Variants in GRAMD4 observed in about 807,000 individuals in gnomAD.
GRAMD4 encodes GRAM domain containing 4, also known as GRAM domain-containing protein 4.
GRAMD4 carries 25 observed loss-of-function variants against 83.9 expected under a neutral mutation model. The observed-to-expected ratio is 0.30, with a 90% CI of 0.22 to 0.42. The LOEUF is 0.42. GRAMD4 is among the 10% of genes least tolerant of loss of function. The pLI, the probability that GRAMD4 is intolerant of heterozygous loss-of-function variation, is 1.00. For synonymous variants in GRAMD4, 336 were observed against 320.9 expected, an observed-to-expected ratio of 1.05 and a Z score of -0.50; for missense variants, 593 against 788.7, an observed-to-expected ratio of 0.75 and a Z score of 2.97.
At position 46,620,733 on chromosome 22, in the gene GRAMD4, A is replaced by G. The variant is rs2081561711; in HGVS notation, c.-50+168A>G. ...CAGGCTCCCTCCCAAGGCCGGGTGC[A>G]GGCCAGACCCCACCGGTAAAGCACC... On this transcript the variant is annotated intron_variant, in intron 1 of 18. Transcript: ENST00000406902. The surrounding 1 kb of genome is among the most constrained non-coding windows in gnomAD (Gnocchi z 4.7). 6.6e-6 allele frequency among the ~76,000 whole-genome samples: 1 copy of G among 152,106 alleles called. No homozygotes were observed. Among genetic ancestry groups the G allele is most frequent in the South Asian group, 2.1e-4 (1 of 4,834 alleles).
At chr22:46,623,631 C>T (rs906314565) in intron 1 of GRAMD4, among the ~76,000 whole-genome samples, 4 of 152,014 alleles carry the variant, frequency 2.6e-5, no homozygotes, top group Admixed American at 1.3e-4. Context: ...GTCCTGACCT[C>T]GTGATCCGCC....
chr22:46,611,700 CAG>C (rs754408894), intron 1 of GRAMD4, among the ~76,000 whole-genome samples: 1 of 151,670 alleles, frequency 6.6e-6, no homozygotes, highest in Admixed American at 6.6e-5. Flanking sequence ...TTTTTAGAGA[CAG>C]GGTCTCGGCT....
rs185066735 is a variant in GRAMD4 at position 46,622,741 on chromosome 22, G to A, written c.-50+2176G>A. ...ATCCTGGCTAACATGGCGAAACTCCGTCTCTACTAAAAATACAAAAAATTA... is the reference window on the plus strand; with the variant it reads ...ATCCTGGCTAACATGGCGAAACTCCATCTCTACTAAAAATACAAAAAATTA... On this transcript the variant is annotated intron_variant, in intron 1 of 18. Transcript: ENST00000406902. This position sits in a 1 kb window ranked among gnomAD's most constrained non-coding sequence, Gnocchi z 4.0. Among the ~76,000 whole-genome samples the A allele has an allele frequency of 1.8e-4, 27 of 152,132 alleles. No homozygotes were observed. The East Asian group carries it at 4.7e-3, about 26-fold the overall frequency.
At chr22:46,658,109 G>A (rs964429625) in intron 3 of GRAMD4, 78 bp from the exon 4 acceptor site, 145 of 1,576,718 alleles carry the variant, frequency 9.2e-5, no homozygotes, top group Non-Finnish European at 1.2e-4. Flanking sequence ...TCTGAGTCAG[G>A]CACCCCTGCC....
At chr22:46,581,912 C>T (rs1273881326) in intron 1 of GRAMD4, among the ~76,000 whole-genome samples, 3 of 152,206 alleles carry the variant, frequency 2.0e-5, no homozygotes, top group South Asian at 4.1e-4. Context: ...AGGCCTTGGC[C>T]TAGGGTATAG....
intron 3 of GRAMD4, among the ~76,000 whole-genome samples, chr22:46,643,150 T>C (rs2082006669): frequency 2.0e-5 from 3 of 147,484 alleles, no homozygotes; most frequent in African/African-American, 5.0e-5. Flanking sequence ...CTTCCATCCA[T>C]CCATCCATCC....
At chr22:46,682,244 G>C (rs1388509655), downstream of GRAMD4, among the ~76,000 whole-genome samples, 1 of 152,242 alleles carries the variant, frequency 6.6e-6, no homozygotes, top group African/African-American at 2.4e-5. Context: ...CCCTCAGACA[G>C]GAGCTGGCCC....
chr22:46,644,702 T>TTTTG (rs2082044554), intron 3 of GRAMD4, among the ~76,000 whole-genome samples: 2 of 7,222 alleles, frequency 2.8e-4, no homozygotes, highest in African/African-American at 9.6e-4. Context: ...TCCCTGTTTT[T>TTTTG]TTTTTTTTTT....
chr22:46,659,063 C>T lies in GRAMD4; in HGVS notation c.404+756C>T, dbSNP rs1297518794. 6.6e-6 allele frequency among the ~76,000 whole-genome samples: 1 copy of T among 152,174 alleles called. No homozygotes were observed. Among genetic ancestry groups the T allele is most frequent in the Non-Finnish European group, 1.5e-5 (1 of 68,010 alleles). On this transcript the variant is annotated intron_variant, in intron 4 of 18. Transcript: ENST00000406902. This position sits in a 1 kb window ranked among gnomAD's most constrained non-coding sequence, Gnocchi z 4.1. The stretch of plus-strand genomic sequence containing the variant: ...GCTAACACCACGAGGCTCCGTGTCC[C>T]TCTGCACAAGTTCAAACTGGTGCCT...
At chr22:46,663,240 G>A (rs1013842119) in intron 6 of GRAMD4, 68 bp downstream of exon 6, 22 of 1,465,252 alleles carry the variant, frequency 1.5e-5, no homozygotes, top group South Asian at 3.6e-5. Context: ...AGGCTGCAGC[G>A]GGTGGGCCAT....
At position 46,621,176 on chromosome 22, in the gene GRAMD4, G is replaced by A. The variant is rs951640723; in HGVS notation, c.-50+611G>A. Among the ~76,000 whole-genome samples the A allele has an allele frequency of 4.6e-5, 7 of 152,164 alleles. No homozygotes were observed. The highest frequency in any genetic ancestry group is 1.0e-4 in the Non-Finnish European group (7 of 68,020). ...GCAGGACGGAAGGTGCAGGTGAGAC[G>A]CAGGTGGGCGGTGTCGGGAGACCCG... is the stretch of plus-strand genomic sequence containing the variant. On this transcript the variant is annotated intron_variant, in intron 1 of 18. Coordinates refer to ENST00000406902, the MANE Select transcript of GRAMD4 (RefSeq NM_015124.5). This position sits in a 1 kb window ranked among gnomAD's most constrained non-coding sequence, Gnocchi z 5.8.
rs112862646 is a variant in GRAMD4 at position 46,595,939 on chromosome 22, C to T, written c.-50+18649C>T. The stretch of plus-strand genomic sequence containing the variant: ...GTGCACAGGAGGAGTGGGAGCTGGC[C>T]GAGGGGCTTGCAGAGGGTCAGAAAG... On this transcript the variant is annotated intron_variant, in intron 1 of 1. Transcript: ENST00000431155. 2.7e-3 allele frequency among the ~76,000 whole-genome samples: 406 copies of T among 152,300 alleles called. 4 individuals are homozygous for T. The highest frequency in any genetic ancestry group is 9.3e-3 in the African/African-American group (387 of 41,568).
At chr22:46,638,023 G>A (rs545558987) in intron 3 of GRAMD4, 63 bp downstream of exon 3, 39 of 1,560,412 alleles carry the variant, frequency 2.5e-5, no homozygotes, top group Non-Finnish European at 3.3e-5. Flanking sequence ...CTGAGATGGG[G>A]GATGTCGTCT....
intron 1 of GRAMD4, among the ~76,000 whole-genome samples, chr22:46,589,718 C>T (rs923268988): frequency 6.6e-6 from 1 of 152,128 alleles, no homozygotes; most frequent in Non-Finnish European, 1.5e-5. Flanking sequence ...GATCACTCCT[C>T]AGCCTCATGG....
chr22:46,586,730 C>G (rs1012118745), intron 1 of GRAMD4, among the ~76,000 whole-genome samples: 2 of 152,230 alleles, frequency 1.3e-5, no homozygotes. Flanking sequence ...TGGGGGGAAC[C>G]CCTACCTGTC....
intron 16 of GRAMD4, 26 bp from the exon 17 acceptor site, chr22:46,675,442 G>A (rs376731872): frequency 2.3e-5 from 36 of 1,554,786 alleles, no homozygotes; most frequent in East Asian, 4.5e-5. Flanking sequence ...AGAGCCAGGC[G>A]ACGCCTCTGT....
rs1345895870 is a variant in GRAMD4, at chr22:46,674,712, G to C, written c.1440G>C (p.Thr480=). ...CLINRDRKMP[T]DYIRNGVLYV... ...TCAACAGGGACCGGAAGATGCCCAC[G>C]GACTACATCAGGAACGGGGTGCTCT... The change falls in exon 16 of 19, where the codon ACG becomes ACC. Residue 480 remains threonine, a synonymous_variant. Transcript: ENST00000406902. 1 of 1,612,812 alleles carries C rather than the reference G, an allele frequency of 6.2e-7. No homozygotes were observed. The highest frequency in any genetic ancestry group is 1.3e-5 in the African/African-American group (1 of 74,942).
chr22:46,599,613 C>T (rs1388862910), intron 1 of GRAMD4, among the ~76,000 whole-genome samples: 2 of 152,188 alleles, frequency 1.3e-5, no homozygotes, highest in Non-Finnish European at 1.5e-5. Context: ...AGGCATGAGC[C>T]ACCATGCCCA....
chr22:46,589,668 C>G (rs1157627284), intron 1 of GRAMD4, among the ~76,000 whole-genome samples: 1 of 152,144 alleles, frequency 6.6e-6, no homozygotes, highest in Non-Finnish European at 1.5e-5. Context: ...GTGGCTACCC[C>G]CCAGTCCCGC....
Sources: allele counts gnomAD v4.1 joint callset (sites outside exome capture counted in the v4.1 genomes callset), GRCh38; gene constraint gnomAD v4.1.1; non-coding constraint Gnocchi (gnomAD v3.1); transcripts MANE v1.5; gene names NCBI Gene and HGNC (gene_info 2026-07-23, HGNC 2026-07-21).